The following ANO4 variants were observed in gnomAD, a reference collection of about 807,000 sequenced individuals.
ANO4 encodes anoctamin 4.
Under a neutral mutation model 141.9 loss-of-function variants are expected in ANO4, and 69 were observed. The ratio of observed to expected loss-of-function variants is 0.49; its 90% CI spans 0.40 to 0.59. The LOEUF (loss-of-function observed/expected upper bound fraction) is 0.59, where lower values mean the gene tolerates loss of function less well. Among genes scored for constraint, ANO4 ranks in the 20% least tolerant of loss-of-function variants. The probability of loss-of-function intolerance (pLI) is 0.00; values close to 1 mark genes in which losing one functional copy is unlikely to be tolerated. For synonymous variants in ANO4, 350 were observed against 394.3 expected (o/e 0.89, Z 1.33); for missense variants, 894 against 1,162.2 (o/e 0.77, Z 3.36).
chr12:100,952,613 G>A (rs2043015352), intron 5 of ANO4, among the ~76,000 whole-genome samples: 1 of 152,140 alleles, frequency 6.6e-6, no homozygotes, highest in African/African-American at 2.4e-5. Flanking sequence ...CCAGGACTCA[G>A]TCCACCTACC....
Position 100,901,852 on chromosome 12 carries a change from GGAA to G in ANO4, c.55+14_55+16del. ...AGTCTTCCACCCAGGTGATGCATGG[GGAA>G]GTTCAACGGGGACCCATTTCAGTAG... On this transcript the variant is annotated intron_variant, in intron 2 of 27. Transcript: ENST00000392977. 2 of 1,592,894 alleles carry G rather than the reference GGAA, an allele frequency of 1.3e-6. No individual in the cohort carries two copies. The highest frequency in any genetic ancestry group is 1.7e-6 in the Non-Finnish European group (2 of 1,169,676).
upstream of ANO4, among the ~76,000 whole-genome samples, chr12:100,794,136 G>A (rs2034161897): frequency 6.6e-6 from 1 of 152,124 alleles, no homozygotes; most frequent in Non-Finnish European, 1.5e-5. Flanking sequence ...AGAGACCTTT[G>A]ACCCTTCTCT....
At chr12:100,866,973 C>G (rs2038783499) in intron 1 of ANO4, among the ~76,000 whole-genome samples, 2 of 152,190 alleles carry the variant, frequency 1.3e-5, no homozygotes, top group African/African-American at 4.8e-5. Flanking sequence ...AGCCTTTGCT[C>G]TAGACACTAA....
At chr12:101,032,910 C>T (rs562390728) in intron 9 of ANO4, among the ~76,000 whole-genome samples, 11 of 148,986 alleles carry the variant, frequency 7.4e-5, no homozygotes, top group Non-Finnish European at 1.3e-4. Flanking sequence ...GTCAGTGTGG[C>T]GATTCCTCAG....
chr12:100,829,102 G>A (rs1828084664), intron 1 of ANO4, among the ~76,000 whole-genome samples: 1 of 151,908 alleles, frequency 6.6e-6, no homozygotes, highest in Admixed American at 6.6e-5. Context: ...AGATTCATGT[G>A]GGAAAAACAT....
intron 1 of ANO4, among the ~76,000 whole-genome samples, chr12:100,841,933 T>C (rs1002015362): frequency 2.6e-5 from 4 of 152,084 alleles, no homozygotes; most frequent in Admixed American, 2.6e-4. Flanking sequence ...AGAGGTACAT[T>C]GCCTCTTTGG....
In ANO4 at chr12:101,073,595, T is replaced by TAAA. The variant is rs1555294638; in HGVS notation, c.1313-5596_1313-5594dup. Among the ~76,000 whole-genome samples, 254 of 146,578 alleles carry TAAA rather than the reference T, an allele frequency of 1.7e-3. 1 individual carries two copies. Among genetic ancestry groups the TAAA allele is most frequent in the African/African-American group, 5.9e-3 (237 of 40,094 alleles). On this transcript the variant is annotated intron_variant, in intron 14 of 27. Coordinates refer to ENST00000392977, the MANE Select transcript of ANO4 (RefSeq NM_001286615.2). ...ATAATAATAATAATAATAATAATAA[T>TAAA]AAAAGAAAATAATAGGGTGTGGCCT...
intron 7 of ANO4, among the ~76,000 whole-genome samples, chr12:100,982,813 A>T (rs117362224): frequency 2.0e-5 from 3 of 152,242 alleles, no homozygotes; most frequent in Admixed American, 2.0e-4. Context: ...AAAGGTTATC[A>T]TTAATTCAAG....
chr12:100,867,944 C>T (rs2038840802), intron 1 of ANO4, among the ~76,000 whole-genome samples: 1 of 152,110 alleles, frequency 6.6e-6, no homozygotes. Flanking sequence ...AATATATCTG[C>T]TTCTACTATA....
At chr12:100,993,781 G>A (rs2136363552) in intron 8 of ANO4, among the ~76,000 whole-genome samples, 1 of 152,286 alleles carries the variant, frequency 6.6e-6, no homozygotes, top group East Asian at 1.9e-4. Context: ...CTAGAGCTTA[G>A]TCATGTAGTA....
At chr12:100,879,095 C>G (rs1565963156) in intron 1 of ANO4, among the ~76,000 whole-genome samples, 1 of 151,716 alleles carries the variant, frequency 6.6e-6, no homozygotes. Context: ...AGGAATGGAC[C>G]CACAGTGGGG....
chr12:101,007,693 G>A (rs1311542278), intron 8 of ANO4, among the ~76,000 whole-genome samples: 1 of 152,096 alleles, frequency 6.6e-6, no homozygotes, highest in Non-Finnish European at 1.5e-5. Flanking sequence ...ATTTGGGGGG[G>A]AAAAGAGTGA....
intron 1 of ANO4, among the ~76,000 whole-genome samples, chr12:100,856,863 T>A (rs2038201160): frequency 1.3e-5 from 2 of 152,066 alleles, no homozygotes; most frequent in Non-Finnish European, 2.9e-5. Flanking sequence ...GGGCTTGATT[T>A]TTTTAGGGCT....
intron 24 of ANO4, 51 bp from the exon 25 acceptor site, chr12:101,116,628 T>C (rs771304103): frequency 1.2e-6 from 2 of 1,613,608 alleles, no homozygotes; most frequent in African/African-American, 1.3e-5. Flanking sequence ...GGGAACTGGA[T>C]ACAGAGAAGG....
In ANO4 at chr12:100,979,468, A is replaced by G. The variant is rs562630374; in HGVS notation, c.602+4579A>G. Among the ~76,000 whole-genome samples the G allele has an allele frequency of 2.6e-5, 4 of 152,292 alleles. No individual in the cohort carries two copies. The South Asian group carries it at 8.3e-4, about 32-fold the overall frequency. On this transcript the variant is annotated intron_variant, in intron 7 of 27. Transcript: ENST00000392977. ...ACCACATGTTGAGAACCATCACTAT[A>G]GAGTGGAGGATAATGGAAACCAAAT...
intron 9 of ANO4, among the ~76,000 whole-genome samples, chr12:101,031,683 C>G (rs2046982629): frequency 1.3e-5 from 2 of 152,156 alleles, no homozygotes; most frequent in South Asian, 4.1e-4. Flanking sequence ...ATAGAAAACT[C>G]CATGATCTCA....
At chr12:100,770,702 A>C (rs1399232031) in intron 3 of ANO4, among the ~76,000 whole-genome samples, 7 of 152,006 alleles carry the variant, frequency 4.6e-5, no homozygotes, top group Non-Finnish European at 1.0e-4. Flanking sequence ...TTTCTGGTAG[A>C]ATTGATGATG....
chr12:101,095,810 T>C (rs1217593156), intron 18 of ANO4, among the ~76,000 whole-genome samples: 1 of 152,192 alleles, frequency 6.6e-6, no homozygotes, highest in Non-Finnish European at 1.5e-5. Flanking sequence ...ATGAGATCTC[T>C]AGCTGGAGAT....
intron 14 of ANO4, among the ~76,000 whole-genome samples, chr12:101,051,810 C>A (rs573688989): frequency 6.6e-6 from 1 of 152,184 alleles, no homozygotes; most frequent in Non-Finnish European, 1.5e-5. Context: ...TTGTTTGTTA[C>A]CATTTCCTTC....
Sources: allele counts gnomAD v4.1 joint callset (sites outside exome capture counted in the v4.1 genomes callset), GRCh38; gene constraint gnomAD v4.1.1; transcripts MANE v1.5; gene names NCBI Gene and HGNC (gene_info 2026-07-23, HGNC 2026-07-21).